The following CPAP variants were observed in gnomAD, a reference collection of about 807,000 sequenced individuals.
The protein encoded by CPAP is centrosomal P4.1-associated protein.
At chr13:24,891,635 C>A in the CPAP span, among the ~76,000 whole-genome samples, 2 of 152,286 alleles carry the variant, frequency 1.3e-5, no homozygotes, top group African/African-American at 2.4e-5. Context: ...CCCAGTCCCC[C>A]CAAGCCCTAC....
chr13:24,906,500 C>G, the CPAP span: 16 of 1,614,228 alleles, frequency 9.9e-6, no homozygotes, highest in East Asian at 3.3e-4. Context: ...CCCTGTGCAG[C>G]CAGTATCGCA....
the CPAP span, among the ~76,000 whole-genome samples, chr13:24,892,250 CTGTTT>C: frequency 2.6e-5 from 4 of 152,192 alleles, no homozygotes; most frequent in Non-Finnish European, 5.9e-5. Context: ...TCTCCCTGGT[CTGTTT>C]TAACAGAGAT....
chr13:24,887,413 C>T, the CPAP span, among the ~76,000 whole-genome samples: 4 of 152,196 alleles, frequency 2.6e-5, no homozygotes, highest in African/African-American at 2.4e-5. Context: ...CCCCATCACT[C>T]GCATTACCAC....
At chr13:24,906,239 A>T in the CPAP span, 2 of 1,606,502 alleles carry the variant, frequency 1.2e-6, no homozygotes, top group Non-Finnish European at 1.7e-6. Context: ...CCTTTCTAAG[A>T]TTTTCAGTAC....
chr13:24,906,471 T>C, the CPAP span: 1 of 1,614,248 alleles, frequency 6.2e-7, no homozygotes, highest in Non-Finnish European at 8.5e-7. Context: ...AGTCTGTCTT[T>C]ACCTTGTGTC....
At chr13:24,904,002 T>C in the CPAP span, 1 of 1,614,118 alleles carries the variant, frequency 6.2e-7, no homozygotes, top group African/African-American at 1.3e-5. Context: ...AACTTTTCTA[T>C]TTCTGTTTCC....
At chr13:24,910,972 T>C in the CPAP span, among the ~76,000 whole-genome samples, 1 of 152,212 alleles carries the variant, frequency 6.6e-6, no homozygotes, top group Non-Finnish European at 1.5e-5. Context: ...AGTCTTTTTT[T>C]CCTTGTATTC....
the CPAP span, among the ~76,000 whole-genome samples, chr13:24,907,456 A>C: frequency 6.6e-6 from 1 of 152,236 alleles, no homozygotes; most frequent in Non-Finnish European, 1.5e-5. Flanking sequence ...ACATGGAGTA[A>C]CATATTCATC....
chr13:24,906,705 T>C, the CPAP span: 2 of 1,614,242 alleles, frequency 1.2e-6, no homozygotes, highest in South Asian at 2.2e-5. Context: ...CTCTTGGTTC[T>C]AGCTTTACTG....
chr13:24,923,052 GT>G, the CPAP span, among the ~76,000 whole-genome samples: 1 of 152,358 alleles, frequency 6.6e-6, no homozygotes, highest in African/African-American at 2.4e-5. Flanking sequence ...GGCGGGCGGC[GT>G]GGCGGGGCGG....
At chr13:24,912,955 G>A in the CPAP span, 1 of 1,614,158 alleles carries the variant, frequency 6.2e-7, no homozygotes, top group African/African-American at 1.3e-5. Context: ...AGCCCGAGAA[G>A]GATTGGTCAT....
chr13:24,913,140 G>T, the CPAP span: 1 of 879,524 alleles, frequency 1.1e-6, no homozygotes, highest in Non-Finnish European at 1.8e-6. Flanking sequence ...GCCATTAGAT[G>T]TCCTACCAAA....
chr13:24,910,160 C>A, the CPAP span: 8 of 1,373,138 alleles, frequency 5.8e-6, no homozygotes, highest in South Asian at 3.5e-5. Context: ...TAGTGACCCC[C>A]ACCCCACAAA....
chr13:24,905,674 CAG>C, the CPAP span: 3 of 1,614,214 alleles, frequency 1.9e-6, no homozygotes, highest in Non-Finnish European at 2.5e-6. Context: ...CCATTTTACT[CAG>C]ACTTAGGGAT....
At chr13:24,897,302 G>C in the CPAP span, among the ~76,000 whole-genome samples, 1 of 152,184 alleles carries the variant, frequency 6.6e-6, no homozygotes, top group Non-Finnish European at 1.5e-5. Flanking sequence ...CTGGCAATTT[G>C]TATCAATGTA....
At chr13:24,919,141 T>G in the CPAP span, among the ~76,000 whole-genome samples, 2 of 152,300 alleles carry the variant, frequency 1.3e-5, no homozygotes, top group Admixed American at 6.5e-5. Flanking sequence ...CACTGTGAGA[T>G]TTAAAAAGAT....
chr13:24,931,564 T>C, the CPAP span, among the ~76,000 whole-genome samples: 2 of 152,164 alleles, frequency 1.3e-5, no homozygotes, highest in African/African-American at 4.8e-5. Flanking sequence ...TCCTTTCTAT[T>C]CTCATTTTAT....
the CPAP span, chr13:24,889,104 A>T: frequency 1.8e-6 from 1 of 568,078 alleles, no homozygotes. Context: ...GCAACAAGGT[A>T]AAATAATTTA....
chr13:24,884,325 C>G, the CPAP span: 17 of 1,614,030 alleles, frequency 1.1e-5, no homozygotes, highest in African/African-American at 6.7e-5. Context: ...AAACATACCA[C>G]TCTTTGGTCT....
Sources: allele counts gnomAD v4.1 joint callset (sites outside exome capture counted in the v4.1 genomes callset), GRCh38; gene constraint gnomAD v4.1.1; transcripts MANE v1.5; gene names NCBI Gene and HGNC (gene_info 2026-07-23, HGNC 2026-07-21).